The following UBE2G1 variants were observed in gnomAD, a reference collection of about 807,000 sequenced individuals.
UBE2G1 encodes ubiquitin conjugating enzyme E2 G1, also known as ubiquitin-conjugating enzyme E2 G1.
Under a neutral mutation model 22.7 loss-of-function variants are expected in UBE2G1, and 5 were observed. The observed-to-expected ratio is 0.22, with a 90% CI of 0.12 to 0.46. The LOEUF is 0.46. Among genes scored for constraint, UBE2G1 ranks in the 20% least tolerant of loss-of-function variants. UBE2G1 has a pLI of 0.99. For synonymous variants in UBE2G1, 74 were observed against 67.5 expected (o/e 1.10, Z -0.47); for missense variants, 88 against 203.9 (o/e 0.43, Z 3.46).
intron 1 of UBE2G1, among the ~76,000 whole-genome samples, chr17:4,351,360 C>G (rs553286280): frequency 4.6e-5 from 7 of 152,194 alleles, no homozygotes; most frequent in Non-Finnish European, 1.0e-4. Context: ...GGCTTAGAGG[C>G]TGAAGAGGGT....
chr17:4,288,993 T>A (rs991504681), intron 4 of UBE2G1, among the ~76,000 whole-genome samples: 1 of 152,052 alleles, frequency 6.6e-6, no homozygotes, highest in Non-Finnish European at 1.5e-5. Flanking sequence ...TGACCTATGA[T>A]TGTGCCACTG....
At chr17:4,284,791 C>T (rs1302374265) in intron 4 of UBE2G1, among the ~76,000 whole-genome samples, 2 of 144,950 alleles carry the variant, frequency 1.4e-5, no homozygotes, top group East Asian at 4.0e-4. Flanking sequence ...TTTTTTTCCC[C>T]CCGAGACTGT....
chr17:4,277,144 T>C (rs1024719923), intron 5 of UBE2G1, among the ~76,000 whole-genome samples: 32 of 152,174 alleles, frequency 2.1e-4, no homozygotes, highest in Admixed American at 1.6e-3. Context: ...AATTGACTTA[T>C]GGAGAGGTCT....
rs776331107 is a variant in UBE2G1 at position 4,270,047 on chromosome 17, T to C, written c.*2507A>G. The C allele has an allele frequency of 1.3e-5, 2 of 152,518 alleles. No individual in the cohort carries two copies. Among genetic ancestry groups the C allele is most frequent in the African/African-American group, 4.8e-5 (2 of 41,400 alleles). 9.4% of individuals were successfully genotyped at this position (152,518 alleles called of 1,614,324 possible). On this transcript the variant is annotated 3_prime_UTR_variant, in exon 6 of 6. Coordinates refer to ENST00000396981, the MANE Select transcript of UBE2G1 (RefSeq NM_003342.5). ...AAGTTGTAACATCTATGTAGGCCTG[T>C]TTCAGTATGTAACACACTCAGGGCA...
rs905440030 is a variant in UBE2G1, at chr17:4,270,093, C to T, written c.*2461G>A. 1.3e-5 allele frequency: 2 copies of T among 152,428 alleles called. No individual in the cohort carries two copies. The highest frequency in any genetic ancestry group is 2.9e-5 in the Non-Finnish European group (2 of 68,000). The allele number at this position is 152,428 out of a possible 1,614,324, so 9.4% of individuals were successfully genotyped here. A position where few individuals can be genotyped will look rare whatever the true frequency, so the allele number is the denominator to read the frequency against. ...GGGCAGGTGGAAAAGCATGTGGAGA[C>T]GCACTCATGCCTGGCTCTCACTTCC... On this transcript the variant is annotated 3_prime_UTR_variant, in exon 6 of 6. Coordinates refer to ENST00000396981, the MANE Select transcript of UBE2G1 (RefSeq NM_003342.5).
At chr17:4,327,315 C>CA in intron 1 of UBE2G1, among the ~76,000 whole-genome samples, 1 of 150,330 alleles carries the variant, frequency 6.7e-6, no homozygotes, top group South Asian at 2.1e-4. Flanking sequence ...TACAAAAATA[C>CA]AAAAATAGCC....
intron 5 of UBE2G1, among the ~76,000 whole-genome samples, chr17:4,274,298 C>T (rs911109313): frequency 4.6e-5 from 7 of 151,068 alleles, no homozygotes; most frequent in African/African-American, 1.5e-4. Context: ...CCCGGGTTCG[C>T]GCCATTCTCC....
chr17:4,316,139 C>G (rs1264267306), intron 1 of UBE2G1, among the ~76,000 whole-genome samples: 1 of 152,098 alleles, frequency 6.6e-6, no homozygotes, highest in Non-Finnish European at 1.5e-5. Context: ...AGTCTAACTT[C>G]TACAAAGCCA....
chr17:4,296,907 C>T (rs922885029), intron 2 of UBE2G1, 93 bp from the exon 3 acceptor site: 2 of 1,068,914 alleles, frequency 1.9e-6, no homozygotes, highest in Non-Finnish European at 2.8e-6. Flanking sequence ...GGTGCTAGCA[C>T]TAACATCAAA....
At chr17:4,293,218 A>G (rs1388229187) in intron 3 of UBE2G1, among the ~76,000 whole-genome samples, 2 of 152,222 alleles carry the variant, frequency 1.3e-5, no homozygotes, top group African/African-American at 4.8e-5. Flanking sequence ...GACATTTCAT[A>G]TAAAGGGAAT....
In UBE2G1 at chr17:4,289,314, G is replaced by A. The variant is rs1969007096; in HGVS notation, c.342C>T (p.Ile114=). The part of the protein sequence containing the change: ...YEKPEERWLP[I]HTVETIMISV... ...TAATCATGATGGTTTCCACAGTGTG[G>A]ATAGGGAGCCAGCGTTCCTCTGGCT... The change falls in exon 4 of 6, where the codon ATC becomes ATT. Residue 114 remains isoleucine, a synonymous_variant. Coordinates refer to ENST00000396981, the MANE Select transcript of UBE2G1 (RefSeq NM_003342.5). The A allele has an allele frequency of 6.3e-7, 1 of 1,598,010 alleles. No individual in the cohort carries two copies. The highest frequency in any genetic ancestry group is 1.1e-5 in the South Asian group (1 of 88,414).
chr17:4,354,118 C>T (rs759565103), intron 1 of UBE2G1, among the ~76,000 whole-genome samples: 13 of 152,072 alleles, frequency 8.5e-5, no homozygotes, highest in Non-Finnish European at 1.8e-4. Context: ...TTTCCCTCAG[C>T]CTTAAATATT....
At chr17:4,316,939 A>T (rs1202555703) in intron 1 of UBE2G1, among the ~76,000 whole-genome samples, 8 of 1,084 alleles carry the variant, frequency 7.4e-3, no homozygotes, top group African/African-American at 7.7e-3. Flanking sequence ...TCTCTTGAAT[A>T]AAAAAAAAAA....
At chr17:4,352,431 A>G (rs1164674441) in intron 1 of UBE2G1, among the ~76,000 whole-genome samples, 1 of 152,142 alleles carries the variant, frequency 6.6e-6, no homozygotes, top group Non-Finnish European at 1.5e-5. Flanking sequence ...AGATTAATGA[A>G]GTCTAGCTGT....
intron 1 of UBE2G1, among the ~76,000 whole-genome samples, chr17:4,314,092 AG>A (rs1230414630): frequency 1.3e-5 from 2 of 152,244 alleles, no homozygotes; most frequent in African/African-American, 4.8e-5. Context: ...TCAAATATAT[AG>A]TTCTCAGATC....
chr17:4,279,374 G>A (rs897859961), intron 5 of UBE2G1, among the ~76,000 whole-genome samples: 1 of 151,974 alleles, frequency 6.6e-6, no homozygotes, highest in Non-Finnish European at 1.5e-5. Context: ...TACCAGTGGT[G>A]AAAGCAAGGA....
chr17:4,335,885 C>A (rs943008039), intron 1 of UBE2G1, among the ~76,000 whole-genome samples: 1 of 152,188 alleles, frequency 6.6e-6, no homozygotes, highest in African/African-American at 2.4e-5. Flanking sequence ...GTAGCTCTCA[C>A]CTATAATCCC....
At chr17:4,319,608 G>A (rs541562789) in intron 1 of UBE2G1, among the ~76,000 whole-genome samples, 8 of 152,144 alleles carry the variant, frequency 5.3e-5, no homozygotes, top group Non-Finnish European at 8.8e-5. Flanking sequence ...GGCGGCAAGC[G>A]CCTGTGGTGC....
chr17:4,366,460 G>T lies in UBE2G1; in HGVS notation c.-144C>A. The T allele has an allele frequency of 1.3e-6, 1 of 763,578 alleles. No homozygotes were observed. Among genetic ancestry groups the T allele is most frequent in the Non-Finnish European group, 1.9e-6 (1 of 538,708 alleles). 47.3% of individuals were successfully genotyped at this position (763,578 alleles called of 1,614,324 possible). A position where few individuals can be genotyped will look rare whatever the true frequency, so the allele number is the denominator to read the frequency against. On this transcript the variant is annotated 5_prime_UTR_variant, in exon 1 of 6. Coordinates refer to ENST00000396981, the MANE Select transcript of UBE2G1 (RefSeq NM_003342.5). ...CCGAGGAAGGCCGGGCTGAGGCGGC[G>T]GGAGCGGCGCCTCGCTGCCGGTGCG...
Sources: gnomAD v4.1 joint callset for allele counts (sites outside exome capture counted in the v4.1 genomes callset) on GRCh38, gnomAD v4.1.1 for gene constraint, MANE v1.5 for transcripts, NCBI Gene and HGNC (gene_info 2026-07-23, HGNC 2026-07-21) for gene names.